Variants in ZNF544 observed in about 807,000 individuals in gnomAD.
The protein encoded by ZNF544 is zinc finger protein AF020591.
Under a neutral mutation model 13.5 loss-of-function variants are expected in ZNF544, and 10 were observed. The ratio of observed to expected loss-of-function variants is 0.74; its 90% CI spans 0.46 to 1.25. ZNF544 has a LOEUF of 1.25. Among genes scored for constraint, ZNF544 ranks in the 50% most tolerant of loss-of-function variants. ZNF544 has a pLI of 0.00. For missense variants in ZNF544, 896 were observed against 845.6 expected, an observed-to-expected ratio of 1.06 and a Z score of -0.74; for synonymous variants, 323 against 300.5, an observed-to-expected ratio of 1.07 and a Z score of -0.77.
intron 5 of ZNF544, among the ~76,000 whole-genome samples, chr19:58,269,614 A>AAAAG (rs2147857798): frequency 2.8e-5 from 1 of 35,482 alleles, no homozygotes; most frequent in South Asian, 9.1e-4. Flanking sequence ...CTGTCTCAAA[A>AAAAG]AAAAAAAAAA....
At chr19:58,249,937 G>A (rs1219827686) in intron 6 of ZNF544, among the ~76,000 whole-genome samples, 5 of 152,116 alleles carry the variant, frequency 3.3e-5, no homozygotes, top group Admixed American at 2.0e-4. Flanking sequence ...TCCCAGTCCC[G>A]CGGTTATTTG....
intron 3 of ZNF544, among the ~76,000 whole-genome samples, chr19:58,238,097 T>A (rs1233800575): frequency 2.0e-5 from 3 of 152,178 alleles, no homozygotes; most frequent in African/African-American, 7.2e-5. Flanking sequence ...CACGCCCGGC[T>A]AATTTTGTAT....
chr19:58,242,887 C>CGGTT (rs2044211142), intron 3 of ZNF544, among the ~76,000 whole-genome samples: 1 of 152,028 alleles, frequency 6.6e-6, no homozygotes, highest in Non-Finnish European at 1.5e-5. Context: ...TTAGTAGAGA[C>CGGTT]GGTTTCACCA....
At chr19:58,275,431 C>T (rs1039771245) in intron 5 of ZNF544, among the ~76,000 whole-genome samples, 2 of 151,916 alleles carry the variant, frequency 1.3e-5, no homozygotes, top group Admixed American at 6.6e-5. Flanking sequence ...ATCTCAGGAA[C>T]GCCCAGGGCT....
chr19:58,235,418 A>G lies in ZNF544; in HGVS notation c.-60+4956A>G, dbSNP rs919609602. On this transcript the variant is annotated intron_variant, in intron 3 of 6. Transcript: ENST00000687789. Reference sequence around the variant, plus strand: ...TGACCAGAACGTCATTATGGGGCACATGACGGTAGGCACAAAATAGTAACA... The same window carrying G: ...TGACCAGAACGTCATTATGGGGCACGTGACGGTAGGCACAAAATAGTAACA... Among the ~76,000 whole-genome samples, 5 of 152,240 alleles carry G rather than the reference A, an allele frequency of 3.3e-5. No individual in the cohort carries two copies. The South Asian group carries it at 6.2e-4, about 19-fold the overall frequency.
chr19:58,271,552 T>C (rs1343299129), intron 5 of ZNF544, among the ~76,000 whole-genome samples: 1 of 151,950 alleles, frequency 6.6e-6, no homozygotes, highest in Non-Finnish European at 1.5e-5. Context: ...CAGTTAGCTG[T>C]TATTATATCA....
In ZNF544 at chr19:58,262,149, A is replaced by G; in HGVS notation, c.1543A>G (p.Thr515Ala). Reference protein sequence around the residue: ...YDLVVHQRTHTGEKPYECNLC... With the variant: ...YDLVVHQRTHAGEKPYECNLC... ...CCTTGTTGTACATCAGAGGACACAC[A>G]CTGGAGAGAAGCCCTATGAGTGCAA... Residue 515 changes from threonine to alanine, a missense_variant, in exon 7 of 7, where the codon ACT becomes GCT. Thr to Ala is a moderately conservative substitution (Grantham distance 58). Coordinates refer to ENST00000687789, the MANE Select transcript of ZNF544 (RefSeq NM_014480.4). The G allele has an allele frequency of 1.2e-6, 2 of 1,613,576 alleles. No individual in the cohort carries two copies. The highest frequency in any genetic ancestry group is 1.7e-6 in the Non-Finnish European group (2 of 1,179,938).
Position 58,253,605 on chromosome 19 carries a change from A to AT in ZNF544, c.244+6819dup, listed in dbSNP as rs548820535. 2.4e-4 allele frequency among the ~76,000 whole-genome samples: 36 copies of AT among 151,932 alleles called. No individual in the cohort carries two copies. In the South Asian group the frequency reaches 5.0e-3, roughly 21 times the overall value. ...AGGCATGCACCACCACATCCAGTTA[A>AT]TTTTTTTTATTTTTAGTAGAGATGG... On this transcript the variant is annotated intron_variant, in intron 6 of 6. Coordinates refer to ENST00000687789, the MANE Select transcript of ZNF544 (RefSeq NM_014480.4).
chr19:58,255,978 A>G (rs1280440740), intron 6 of ZNF544, among the ~76,000 whole-genome samples: 1 of 152,234 alleles, frequency 6.6e-6, no homozygotes, highest in Non-Finnish European at 1.5e-5. Context: ...GAAAAGGACT[A>G]AGGTCCTTCA....
At chr19:58,229,325 C>T (rs1287558640) in intron 1 of ZNF544, 143 bp from the exon 2 acceptor site, 1 of 151,144 alleles carries the variant, frequency 6.6e-6, no homozygotes, top group East Asian at 2.0e-4. Flanking sequence ...CTGGGTGGGC[C>T]CTCCCGACAG....
At chr19:58,242,388 A>G in intron 3 of ZNF544, 4 of 537,502 alleles carry the variant, frequency 7.4e-6, no homozygotes, top group Non-Finnish European at 9.4e-6. Flanking sequence ...ATTCCAGGGA[A>G]TTTTTTTTTT....
At chr19:58,274,997 G>A (rs1241292477) in intron 5 of ZNF544, among the ~76,000 whole-genome samples, 2 of 152,088 alleles carry the variant, frequency 1.3e-5, no homozygotes, top group Non-Finnish European at 2.9e-5. Context: ...ACCCTGGTCA[G>A]GGTGACAGGT....
At chr19:58,243,880 C>T (rs762898172) in intron 3 of ZNF544, 85 bp from the exon 4 acceptor site, 28 of 1,136,692 alleles carry the variant, frequency 2.5e-5, no homozygotes, top group South Asian at 2.2e-4. Flanking sequence ...TGCTTGTGGC[C>T]GGCCCCGCGT....
intron 5 of ZNF544, among the ~76,000 whole-genome samples, chr19:58,275,071 G>C (rs1184237079): frequency 6.6e-6 from 1 of 152,064 alleles, no homozygotes; most frequent in Non-Finnish European, 1.5e-5. Flanking sequence ...GTGGGGCAGG[G>C]GGAGGGTGGT....
chr19:58,237,507 G>T (rs2042666660), intron 3 of ZNF544, among the ~76,000 whole-genome samples: 1 of 152,186 alleles, frequency 6.6e-6, no homozygotes, highest in African/African-American at 2.4e-5. Context: ...CTAGTGTTAG[G>T]CACAGCCTGG....
chr19:58,265,583 C>G (rs2049766137), downstream of ZNF544, among the ~76,000 whole-genome samples: 1 of 150,084 alleles, frequency 6.7e-6, no homozygotes, highest in African/African-American at 2.5e-5. Context: ...GCATGAGCCG[C>G]CACACCCGGC....
intron 4 of ZNF544, among the ~76,000 whole-genome samples, chr19:58,244,815 G>A (rs537863743): frequency 8.5e-5 from 13 of 152,294 alleles, no homozygotes; most frequent in African/African-American, 2.2e-4. Flanking sequence ...GGACTCAAGA[G>A]ATGCTTCAGC....
At chr19:58,267,420 G>T (rs988616476), downstream of ZNF544, among the ~76,000 whole-genome samples, 3 of 152,002 alleles carry the variant, frequency 2.0e-5, no homozygotes, top group African/African-American at 7.2e-5. Flanking sequence ...GGGTTACAAG[G>T]CCGGGTGTGG....
At chr19:58,260,500 T>G in intron 6 of ZNF544, 1 of 169,822 alleles carries the variant, frequency 5.9e-6, no homozygotes, top group Non-Finnish European at 1.3e-5. Context: ...AGCTGGTCTC[T>G]AACTCCTGAC....
Sources: gnomAD v4.1 joint callset for allele counts (sites outside exome capture counted in the v4.1 genomes callset) on GRCh38, gnomAD v4.1.1 for gene constraint, MANE v1.5 for transcripts, NCBI Gene and HGNC (gene_info 2026-07-23, HGNC 2026-07-21) for gene names.